Variants in TTC6 observed in about 807,000 individuals in gnomAD.
TTC6 encodes the protein tetratricopeptide repeat domain 6, also known as tetratricopeptide repeat protein 6.
Under a neutral mutation model 210.4 loss-of-function variants are expected in TTC6, and 172 were observed. The ratio of observed to expected loss-of-function variants is 0.82; its 90% CI spans 0.72 to 0.93. The LOEUF (loss-of-function observed/expected upper bound fraction) is 0.93. Ranked by LOEUF, TTC6 falls within the 40% of genes least tolerant of loss-of-function variation. The pLI is 0.00. For missense variants in TTC6, 2,414 were observed against 2,318.1 expected, an observed-to-expected ratio of 1.04 and a Z score of -0.85; for synonymous variants, 804 against 819.6, an observed-to-expected ratio of 0.98 and a Z score of 0.32.
intron 6 of TTC6, among the ~76,000 whole-genome samples, chr14:37,723,622 A>G (rs1344764795): frequency 3.3e-5 from 5 of 152,344 alleles, no homozygotes; most frequent in Non-Finnish European, 7.3e-5. Context: ...GCATAGAAGT[A>G]TCAGAATTGT....
intron 1 of TTC6, among the ~76,000 whole-genome samples, chr14:37,638,980 G>A (rs927484428): frequency 6.6e-6 from 1 of 152,036 alleles, no homozygotes; most frequent in Non-Finnish European, 1.5e-5. Context: ...CAATTTCTTA[G>A]TACAAATGTG....
At chr14:37,822,916 G>A (rs2096161301) in intron 26 of TTC6, among the ~76,000 whole-genome samples, 1 of 152,072 alleles carries the variant, frequency 6.6e-6, no homozygotes, top group South Asian at 2.1e-4. Context: ...CAGAATTGTT[G>A]GAAGTATTAA....
At chr14:37,682,730 A>G (rs1302804569) in intron 2 of TTC6, 28 bp from the exon 5 acceptor site, 1 of 1,524,650 alleles carries the variant, frequency 6.6e-7, no homozygotes, top group Non-Finnish European at 8.8e-7. Context: ...AAAAAAAAGC[A>G]TTCTTGCACA....
At chr14:37,762,978 G>A (rs1444450318) in intron 14 of TTC6, among the ~76,000 whole-genome samples, 3 of 149,142 alleles carry the variant, frequency 2.0e-5, no homozygotes, top group South Asian at 2.1e-4. Flanking sequence ...TCCACCTCCC[G>A]GGTTCACGCC....
At chr14:37,603,505 A>C (rs976448655) in intron 1 of TTC6, among the ~76,000 whole-genome samples, 1 of 152,226 alleles carries the variant, frequency 6.6e-6, no homozygotes, top group Non-Finnish European at 1.5e-5. Context: ...TTGGCACCGC[A>C]AAAATTTCCT....
intron 25 of TTC6, among the ~76,000 whole-genome samples, chr14:37,816,040 C>T (rs2096140748): frequency 8.5e-6 from 1 of 117,522 alleles, no homozygotes. Context: ...TGTAAGTTTG[C>T]CTTAATTTTA....
chr14:37,611,335 T>C (rs2095634106), intron 2 of TTC6: 2 of 152,224 alleles, frequency 1.3e-5, no homozygotes, highest in East Asian at 1.9e-4. Context: ...GCCACCTGAA[T>C]TGGAGCGGAG....
intron 29 of TTC6, among the ~76,000 whole-genome samples, chr14:37,840,007 A>G (rs532285692): frequency 6.6e-6 from 1 of 152,208 alleles, no homozygotes; most frequent in South Asian, 2.1e-4. Context: ...ATTGGTGTAT[A>G]TATCTGTTTT....
intron 13 of TTC6, among the ~76,000 whole-genome samples, chr14:37,751,681 C>G (rs1267045324): frequency 6.6e-6 from 1 of 152,080 alleles, no homozygotes; most frequent in East Asian, 1.9e-4. Context: ...TTCACTCATT[C>G]GCTTGCTTGA....
Position 37,841,369 on chromosome 14 carries a change from TTAAGAG to T in TTC6, c.5299-72_5299-67del, listed in dbSNP as rs2096209635. 7 of 1,282,076 alleles carry T rather than the reference TTAAGAG, an allele frequency of 5.5e-6. No individual in the cohort carries two copies. In the South Asian group the frequency reaches 5.6e-5, roughly 10 times the overall value. 79.4% of individuals were successfully genotyped at this position (1,282,076 alleles called of 1,614,324 possible). Reference sequence around the variant, plus strand: ...GTATGCCACTGGCCTTAATTTAAAATTAAGAGTAAAAGTGCTTCAAATTTCTGTATA... The same window carrying T: ...GTATGCCACTGGCCTTAATTTAAAATTAAAAGTGCTTCAAATTTCTGTATA... On this transcript the variant is annotated intron_variant, in intron 29 of 30. Coordinates refer to ENST00000553443, the Ensembl canonical transcript of TTC6.
At chr14:37,670,039 C>T (rs1391201449) in intron 1 of TTC6, among the ~76,000 whole-genome samples, 1 of 152,158 alleles carries the variant, frequency 6.6e-6, no homozygotes, top group Admixed American at 6.5e-5. Context: ...TGCTCTTTCA[C>T]AGGTGATATG....
intron 29 of TTC6, among the ~76,000 whole-genome samples, chr14:37,840,301 A>G (rs2096207086): frequency 6.6e-6 from 1 of 152,198 alleles, no homozygotes; most frequent in African/African-American, 2.4e-5. Context: ...ATGAAGTTGA[A>G]TCTCTGAATA....
intron 6 of TTC6, among the ~76,000 whole-genome samples, chr14:37,718,111 A>C (rs1466217343): frequency 6.6e-6 from 1 of 152,238 alleles, no homozygotes; most frequent in Non-Finnish European, 1.5e-5. Flanking sequence ...GTGTTCTGTT[A>C]TAGCAGTGCA....
rs944399421 is a variant in TTC6 at position 37,598,662 on chromosome 14, C to A, written c.-235+2654C>A. Among the ~76,000 whole-genome samples, 1 of 152,130 alleles carries A rather than the reference C, an allele frequency of 6.6e-6. No homozygotes were observed. Among genetic ancestry groups the A allele is most frequent in the Non-Finnish European group, 1.5e-5 (1 of 68,020 alleles). On this transcript the variant is annotated intron_variant, in intron 1 of 2. Coordinates refer to the TTC6 transcript ENST00000556845. The surrounding 1 kb of genome is among the most constrained non-coding windows in gnomAD (Gnocchi z 4.9). Reference sequence around the variant, plus strand: ...AAGGTGGAAGGAGAGGCCGCGGCCTCGGGCCTCGGGCCCCGGGCCCAGACG... The same window carrying A: ...AAGGTGGAAGGAGAGGCCGCGGCCTAGGGCCTCGGGCCCCGGGCCCAGACG...
At position 37,659,148 on chromosome 14, in the gene TTC6, T is replaced by C. The variant is rs2095731529; in HGVS notation, c.940-21003T>C. 2.0e-5 allele frequency among the ~76,000 whole-genome samples: 3 copies of C among 152,346 alleles called. No individual in the cohort carries two copies. The South Asian group carries it at 6.2e-4, about 32-fold the overall frequency. ...TATGGCTGCATAGTATTTCATGGTA[T>C]ATACGTACCACATTTTCTTTATTCA... On this transcript the variant is annotated intron_variant, in intron 1 of 30. Coordinates refer to ENST00000553443, the Ensembl canonical transcript of TTC6.
At chr14:37,724,396 C>A (rs1225568135) in intron 6 of TTC6, among the ~76,000 whole-genome samples, 1 of 152,124 alleles carries the variant, frequency 6.6e-6, no homozygotes, top group Non-Finnish European at 1.5e-5. Flanking sequence ...TTATTTTCTT[C>A]TCAATACCAT....
exon 11 of TTC6, chr14:37,749,048 A>G: frequency 6.5e-7 from 1 of 1,535,748 alleles, no homozygotes; most frequent in Non-Finnish European, 8.7e-7. Context: ...AAATTTTGAA[A>G]AATTCGTCCA....
intron 29 of TTC6, among the ~76,000 whole-genome samples, chr14:37,834,331 A>G (rs1017936092): frequency 1.3e-5 from 2 of 151,968 alleles, no homozygotes; most frequent in East Asian, 1.9e-4. Flanking sequence ...TGTTCACTTG[A>G]TGGTATCCTA....
intron 14 of TTC6, among the ~76,000 whole-genome samples, chr14:37,756,813 T>A (rs1391820466): frequency 6.6e-6 from 1 of 152,192 alleles, no homozygotes; most frequent in Non-Finnish European, 1.5e-5. Context: ...ATTTTCTTTT[T>A]TTTTGTTGTG....
Sources: allele counts gnomAD v4.1 joint callset (sites outside exome capture counted in the v4.1 genomes callset), GRCh38; gene constraint gnomAD v4.1.1; non-coding constraint Gnocchi (gnomAD v3.1); transcripts MANE v1.5; gene names NCBI Gene and HGNC (gene_info 2026-07-23, HGNC 2026-07-21).